Variants in N4BP2 observed in about 807,000 individuals in gnomAD.
The protein encoded by N4BP2 is NEDD4-binding protein 2.
N4BP2 carries 91 observed loss-of-function variants against 152.8 expected under a neutral mutation model. That is an observed-to-expected ratio of 0.60 (90% CI 0.50 to 0.71). The LOEUF is 0.71. N4BP2 is among the 30% of genes least tolerant of loss of function. The pLI is 0.00. For missense variants in N4BP2, 1,923 were observed against 2,059.1 expected (o/e 0.93, Z 1.28); for synonymous variants, 646 against 705.3 (o/e 0.92, Z 1.33).
downstream of N4BP2, among the ~76,000 whole-genome samples, chr4:40,160,527 G>A (rs537946269): frequency 6.6e-6 from 1 of 152,298 alleles, no homozygotes; most frequent in African/African-American, 2.4e-5. Context: ...ATTTAAGGTA[G>A]GCTAGGCTAA....
At chr4:40,164,791 A>T in the N4BP2 span, among the ~76,000 whole-genome samples, 1 of 152,140 alleles carries the variant, frequency 6.6e-6, no homozygotes, top group African/African-American at 2.4e-5. Flanking sequence ...TATTTAATCC[A>T]TCTGAATTTA....
chr4:40,160,967 A>T (rs1484614194), downstream of N4BP2, among the ~76,000 whole-genome samples: 3 of 152,142 alleles, frequency 2.0e-5, no homozygotes, highest in African/African-American at 4.8e-5. Context: ...GGGGATGGGG[A>T]TGAATAAAAC....
At chr4:40,151,042 T>C (rs1196118177) in intron 16 of N4BP2, among the ~76,000 whole-genome samples, 1 of 152,228 alleles carries the variant, frequency 6.6e-6, no homozygotes, top group African/African-American at 2.4e-5. Flanking sequence ...TCTAAGGCGT[T>C]AAACAGCAAG....
At chr4:40,175,972 C>G in the N4BP2 span, among the ~76,000 whole-genome samples, 4 of 151,690 alleles carry the variant, frequency 2.6e-5, no homozygotes, top group African/African-American at 9.7e-5. Flanking sequence ...CGCCTGTAGT[C>G]CCAGCTACTT....
At chr4:40,127,189 G>A (rs576484652) in intron 12 of N4BP2, among the ~76,000 whole-genome samples, 18 of 151,752 alleles carry the variant, frequency 1.2e-4, no homozygotes, top group Admixed American at 7.2e-4. Context: ...GTGCCTGACC[G>A]GCTGCATCTT....
At chr4:40,057,064 T>A (rs1324841683) in intron 1 of N4BP2, 34 bp downstream of exon 1, 1 of 152,214 alleles carries the variant, frequency 6.6e-6, no homozygotes, top group African/African-American at 2.4e-5. Context: ...GGGAGGCGGG[T>A]CCAAGGTGAG....
chr4:40,186,852 C>T, the N4BP2 span, among the ~76,000 whole-genome samples: 1 of 152,164 alleles, frequency 6.6e-6, no homozygotes, highest in Non-Finnish European at 1.5e-5. Context: ...ACTATTTTTC[C>T]TGATAAGTCA....
the N4BP2 span, among the ~76,000 whole-genome samples, chr4:40,170,959 A>T: frequency 6.6e-6 from 1 of 152,202 alleles, no homozygotes; most frequent in Non-Finnish European, 1.5e-5. Flanking sequence ...AGGCTTTTAC[A>T]TGTTTATGAT....
intron 4 of N4BP2, among the ~76,000 whole-genome samples, chr4:40,106,022 A>G (rs1405813629): frequency 6.6e-6 from 1 of 152,168 alleles, no homozygotes; most frequent in Non-Finnish European, 1.5e-5. Flanking sequence ...TTTTTTGTTC[A>G]TTGATGTATG....
intron 1 of N4BP2, among the ~76,000 whole-genome samples, chr4:40,066,987 A>G (rs191570192): frequency 6.6e-6 from 1 of 151,286 alleles, no homozygotes; most frequent in East Asian, 1.9e-4. Flanking sequence ...TTTTGGGGTG[A>G]CTGGCTTATT....
intron 14 of N4BP2, among the ~76,000 whole-genome samples, chr4:40,139,046 G>A (rs1399220884): frequency 6.6e-6 from 1 of 152,150 alleles, no homozygotes; most frequent in Non-Finnish European, 1.5e-5. Flanking sequence ...ATGAAATGGA[G>A]TATCTTTCAG....
At chr4:40,064,010 C>T (rs1208783148) in intron 1 of N4BP2, among the ~76,000 whole-genome samples, 4 of 151,704 alleles carry the variant, frequency 2.6e-5, no homozygotes, top group African/African-American at 9.7e-5. Context: ...GTTGCCTAGG[C>T]TGGTCTCGAA....
chr4:40,152,896 A>G lies in N4BP2; in HGVS notation c.5260A>G (p.Ser1754Gly), dbSNP rs1721270459. 1 of 1,614,026 alleles carries G rather than the reference A, an allele frequency of 6.2e-7. No homozygotes were observed. ...PAVIKYLISH[S>G]FRFSEIKPGC... ...TGTCATTAAGTACCTCATAAGCCAT[A>G]GCTTCAGGTGAGTGTAGATTTCTGT... Residue 1754 changes from serine to glycine, a missense_variant, in exon 17 of 18, where the codon AGC becomes GGC. Coordinates refer to ENST00000261435, the MANE Select transcript of N4BP2 (RefSeq NM_018177.6).
At chr4:40,070,260 T>C (rs1712016925) in intron 1 of N4BP2, among the ~76,000 whole-genome samples, 1 of 152,180 alleles carries the variant, frequency 6.6e-6, no homozygotes, top group Non-Finnish European at 1.5e-5. Flanking sequence ...CATATGATTG[T>C]ATTATAAATG....
At chr4:40,148,207 G>A (rs1380141522) in intron 16 of N4BP2, among the ~76,000 whole-genome samples, 2 of 152,112 alleles carry the variant, frequency 1.3e-5, no homozygotes, top group African/African-American at 2.4e-5. Context: ...CCGGCACCTC[G>A]GGAGGCCGAG....
At chr4:40,115,711 G>A (rs2109986848) in intron 7 of N4BP2, among the ~76,000 whole-genome samples, 1 of 152,234 alleles carries the variant, frequency 6.6e-6, no homozygotes, top group African/African-American at 2.4e-5. Context: ...ACTACAGTAG[G>A]TCAGGTTGTG....
intron 2 of N4BP2, among the ~76,000 whole-genome samples, chr4:40,093,687 G>C (rs966975546): frequency 5.3e-5 from 8 of 151,982 alleles, no homozygotes; most frequent in African/African-American, 1.9e-4. Flanking sequence ...CACTGTCTTG[G>C]CTCACTGTAA....
intron 16 of N4BP2, among the ~76,000 whole-genome samples, chr4:40,146,381 C>T (rs1206895845): frequency 1.3e-5 from 2 of 152,156 alleles, no homozygotes; most frequent in East Asian, 1.9e-4. Flanking sequence ...GTACTCCTAC[C>T]TCTCACAGTG....
chr4:40,111,147 T>C (rs1289988110), intron 5 of N4BP2, among the ~76,000 whole-genome samples: 2 of 152,208 alleles, frequency 1.3e-5, no homozygotes, highest in Admixed American at 6.5e-5. Context: ...GCAGAGATAC[T>C]ATGGAAAGCT....
Sources: allele counts gnomAD v4.1 joint callset (sites outside exome capture counted in the v4.1 genomes callset), GRCh38; gene constraint gnomAD v4.1.1; transcripts MANE v1.5; gene names NCBI Gene and HGNC (gene_info 2026-07-23, HGNC 2026-07-21).